GRK4: variants seen among roughly 807,000 people sequenced by gnomAD.
GRK4 encodes G protein-coupled receptor kinase 2-like.
A neutral mutation model predicts 77.9 loss-of-function variants in GRK4; 73 were observed. That is an observed-to-expected ratio of 0.94 (90% CI 0.78 to 1.14). The LOEUF (loss-of-function observed/expected upper bound fraction) is 1.14. GRK4 is among the 50% of genes most tolerant of loss of function. The probability of loss-of-function intolerance (pLI) is 0.00; values close to 1 mark genes in which losing one functional copy is unlikely to be tolerated. For missense variants in GRK4, 729 were observed against 700.2 expected, an observed-to-expected ratio of 1.04 and a Z score of -0.46; for synonymous variants, 257 against 254.4, an observed-to-expected ratio of 1.01 and a Z score of -0.10.
intron 7 of GRK4, among the ~76,000 whole-genome samples, chr4:3,010,352 G>A (rs150468626): frequency 3.9e-5 from 6 of 151,974 alleles, no homozygotes; most frequent in African/African-American, 9.7e-5. Context: ...TCAGCCTCCC[G>A]AGTAGCTGGT....
intron 1 of GRK4, among the ~76,000 whole-genome samples, chr4:2,979,921 C>T (rs1722383605): frequency 6.6e-6 from 1 of 152,208 alleles, no homozygotes. Context: ...GAAATACCTG[C>T]ATATGTGCCA....
intron 1 of GRK4, 49 bp from the exon 2 acceptor site, chr4:2,984,464 G>A: frequency 1.0e-6 from 1 of 1,002,370 alleles, no homozygotes; most frequent in African/African-American, 1.6e-5. Flanking sequence ...TGTTATAATT[G>A]GATATTTCTG....
chr4:3,032,811 CAGTT>C (rs1421581606), intron 12 of GRK4, among the ~76,000 whole-genome samples: 1 of 152,164 alleles, frequency 6.6e-6, no homozygotes, highest in Non-Finnish European at 1.5e-5. Context: ...AGAGGAGAAA[CAGTT>C]CGTTCTTAAA....
rs116680525 is a variant in GRK4 at position 2,975,312 on chromosome 4, C to A, written c.53-9201C>A. Among the ~76,000 whole-genome samples, 7 of 152,208 alleles carry A rather than the reference C, an allele frequency of 4.6e-5. No individual in the cohort carries two copies. The South Asian group carries it at 1.5e-3, about 32-fold the overall frequency. On this transcript the variant is annotated intron_variant, in intron 1 of 15. Coordinates refer to ENST00000398052, the MANE Select transcript of GRK4 (RefSeq NM_182982.3). ...GCCAGACTCTGTCTCAAAAAAAGAC[C>A]GGAAAGACCTCTGCTCTATTTCCTC...
chr4:3,009,776 A>G, intron 7 of GRK4, 65 bp downstream of exon 7: 1 of 1,223,156 alleles, frequency 8.2e-7, no homozygotes, highest in Non-Finnish European at 1.2e-6. Flanking sequence ...TCCTGAGAAC[A>G]TGGCTTCAGG....
At chr4:3,039,548 A>G (rs1444908636) in intron 15 of GRK4, among the ~76,000 whole-genome samples, 2 of 150,284 alleles carry the variant, frequency 1.3e-5, no homozygotes, top group African/African-American at 2.5e-5. Context: ...AAATATAAAA[A>G]TTAGCCGGTC....
chr4:2,970,306 T>C (rs1719083407), intron 1 of GRK4, among the ~76,000 whole-genome samples: 1 of 152,170 alleles, frequency 6.6e-6, no homozygotes, highest in Admixed American at 6.5e-5. Context: ...GAATCAAATA[T>C]TGGGTTATTG....
intron 4 of GRK4, among the ~76,000 whole-genome samples, chr4:3,003,142 G>A (rs1026467209): frequency 4.6e-5 from 7 of 152,108 alleles, no homozygotes; most frequent in Admixed American, 2.0e-4. Flanking sequence ...GACTACTCTA[G>A]GGACCATATA....
intron 1 of GRK4, chr4:2,966,998 T>C (rs962491489): frequency 1.1e-4 from 17 of 152,110 alleles, no homozygotes; most frequent in African/African-American, 4.1e-4. Context: ...GGTGGGGCAT[T>C]TGGGAGGTGA....
Position 3,035,568 on chromosome 4 carries a change from C to T in GRK4, c.1407+45C>T, listed in dbSNP as rs143880577. The T allele has an allele frequency of 8.2e-4, 1,274 of 1,551,592 alleles. 10 individuals are homozygous for T. The South Asian group carries it at 0.012, about 15-fold the overall frequency. Reference sequence around the variant, plus strand: ...GAGCAGGGCCCTAGGAACAGTGATCCGCACAGCACGGTTTTTCTCTTTCTT... The same window carrying T: ...GAGCAGGGCCCTAGGAACAGTGATCTGCACAGCACGGTTTTTCTCTTTCTT... On this transcript the variant is annotated intron_variant, in intron 13 of 15. Transcript: ENST00000398052.
At chr4:2,983,887 A>G (rs893764598) in intron 1 of GRK4, among the ~76,000 whole-genome samples, 1 of 152,172 alleles carries the variant, frequency 6.6e-6, no homozygotes, top group African/African-American at 2.4e-5. Flanking sequence ...CACGTCTTAC[A>G]TGGTGGCAGG....
Position 3,038,433 on chromosome 4 carries a change from C to G in GRK4, c.1603C>G (p.Pro535Ala). ...CAAAAGTGAAAGTGAGGAAGCTTTG[C>G]CATTAGATCTAGACAAGAACATACA... ...INKSESEEALPLDLDKNIHTP... is the reference protein window; with the variant it reads ...INKSESEEALALDLDKNIHTP... Residue 535 changes from proline to alanine, a missense_variant, in exon 15 of 16, where the codon CCA becomes GCA. Physicochemically the swap from Pro to Ala is conservative, Grantham distance 27. Coordinates refer to ENST00000398052, the MANE Select transcript of GRK4 (RefSeq NM_182982.3). 6.2e-7 allele frequency: 1 copy of G among 1,614,078 alleles called. No homozygotes were observed.
chr4:3,001,211 G>GTA (rs201929075), intron 4 of GRK4, among the ~76,000 whole-genome samples: 1,353 of 131,778 alleles, frequency 0.01, 113 homozygotes, highest in African/African-American at 0.036. Flanking sequence ...ATGTGTATGT[G>GTA]TATATATATG....
chr4:2,963,795 A>G lies in GRK4; in HGVS notation c.-276A>G. 1 of 517,588 alleles carries G rather than the reference A, an allele frequency of 1.9e-6. No individual in the cohort carries two copies. Among genetic ancestry groups the G allele is most frequent in the South Asian group, 2.4e-5 (1 of 41,218 alleles). 32.1% of individuals were successfully genotyped at this position (517,588 alleles called of 1,614,324 possible). On this transcript the variant is annotated 5_prime_UTR_variant, in exon 1 of 16. In the 5' UTR this introduces an upstream ATG that the reference lacks. Transcript: ENST00000398052. ...TGGGGCCAAGAAGAACCGGGGCGATAGCGCGGCAGCGGTGACAGCTGGGAC... is the reference window on the plus strand; with the variant it reads ...TGGGGCCAAGAAGAACCGGGGCGATGGCGCGGCAGCGGTGACAGCTGGGAC...
At chr4:2,994,303 C>G (rs780549341) in intron 4 of GRK4, among the ~76,000 whole-genome samples, 1 of 152,228 alleles carries the variant, frequency 6.6e-6, no homozygotes, top group African/African-American at 2.4e-5. Flanking sequence ...CTCTGCCTCC[C>G]GGGTTCAAGT....
rs13103004 is a variant in GRK4, at chr4:2,973,931, G to C, written c.52+9809G>C. ...GCCCTCTCTCACTCTGCCTCCACAC[G>C]GTTTCCTCTGTCTCTTGAGAATTTT... On this transcript the variant is annotated intron_variant, in intron 1 of 15. Coordinates refer to ENST00000398052, the MANE Select transcript of GRK4 (RefSeq NM_182982.3). Among the ~76,000 whole-genome samples the C allele has an allele frequency of 3.9e-5, 6 of 152,196 alleles. No individual in the cohort carries two copies. In the East Asian group the frequency reaches 7.7e-4, roughly 20 times the overall value.
intron 1 of GRK4, among the ~76,000 whole-genome samples, chr4:2,975,992 C>T (rs751691054): frequency 2.6e-5 from 4 of 152,100 alleles, no homozygotes; most frequent in Non-Finnish European, 4.4e-5. Flanking sequence ...CCAAACAGGC[C>T]GGTTTTAGCC....
In GRK4 at chr4:3,005,004, C is replaced by T. The variant is rs551053841; in HGVS notation, c.443+670C>T. 3.3e-5 allele frequency among the ~76,000 whole-genome samples: 5 copies of T among 152,030 alleles called. No homozygotes were observed. In the East Asian group the frequency reaches 7.8e-4, roughly 24 times the overall value. On this transcript the variant is annotated intron_variant, in intron 5 of 15. Coordinates refer to ENST00000398052, the MANE Select transcript of GRK4 (RefSeq NM_182982.3). ...CGTTTAGCACCAGTATCCTAGCATC[C>T]CTGTGGTGACTCCAGGCCCTCTCTG...
intron 4 of GRK4, among the ~76,000 whole-genome samples, chr4:2,994,320 C>G (rs1371721537): frequency 6.6e-6 from 1 of 152,270 alleles, no homozygotes; most frequent in Non-Finnish European, 1.5e-5. Flanking sequence ...AAGTGATTCA[C>G]ATGCCTCAGC....
Sources: allele counts gnomAD v4.1 joint callset (sites outside exome capture counted in the v4.1 genomes callset), GRCh38; gene constraint gnomAD v4.1.1; transcripts MANE v1.5; gene names NCBI Gene and HGNC (gene_info 2026-07-23, HGNC 2026-07-21).